PUM2: variants seen among roughly 807,000 people sequenced by gnomAD.
PUM2 encodes the protein pumilio RNA binding family member 2.
PUM2 carries 57 observed loss-of-function variants against 124.5 expected under a neutral mutation model. That is an observed-to-expected ratio of 0.46 (90% CI 0.37 to 0.57). PUM2 has a LOEUF of 0.57. Among genes scored for constraint, PUM2 ranks in the 20% least tolerant of loss-of-function variants. The pLI, the probability that PUM2 is intolerant of heterozygous loss-of-function variation, is 0.00. For missense variants in PUM2, 1,065 were observed against 1,290.6 expected, an observed-to-expected ratio of 0.83 and a Z score of 2.68; for synonymous variants, 460 against 446.1, an observed-to-expected ratio of 1.03 and a Z score of -0.39.
intron 7 of PUM2, among the ~76,000 whole-genome samples, chr2:20,306,163 C>G (rs978385319): frequency 1.3e-5 from 2 of 152,116 alleles, no homozygotes; most frequent in African/African-American, 2.4e-5. Flanking sequence ...CAAGACTGCA[C>G]CACTGCACTC....
chr2:20,271,666 A>T (rs1669041781), intron 13 of PUM2, among the ~76,000 whole-genome samples: 1 of 152,234 alleles, frequency 6.6e-6, no homozygotes, highest in African/African-American at 2.4e-5. Flanking sequence ...TAAAGTAAAT[A>T]GCATTTAATT....
At chr2:20,327,278 G>C (rs776471396) in intron 2 of PUM2, 32 bp downstream of exon 2, 10 of 1,392,754 alleles carry the variant, frequency 7.2e-6, no homozygotes, top group Non-Finnish European at 1.0e-5. Flanking sequence ...AATAAAGTGA[G>C]GTGTAAGTTC....
Position 20,257,633 on chromosome 2 carries a change from C to T in PUM2, c.2484+610G>A, listed in dbSNP as rs554183513. On this transcript the variant is annotated intron_variant, in intron 16 of 20. Transcript: ENST00000361078. ...GGTGGATCAGCATTTATCTTCATCCCCTACTCTCAATATTCTTGTCTATTT... is the reference window on the plus strand; with the variant it reads ...GGTGGATCAGCATTTATCTTCATCCTCTACTCTCAATATTCTTGTCTATTT... Among the ~76,000 whole-genome samples, 20 of 152,196 alleles carry T rather than the reference C, an allele frequency of 1.3e-4. No homozygotes were observed. The South Asian group carries it at 3.9e-3, about 30-fold the overall frequency.
intron 5 of PUM2, among the ~76,000 whole-genome samples, chr2:20,309,363 G>T (rs1404533069): frequency 6.8e-6 from 1 of 147,734 alleles, no homozygotes; most frequent in Non-Finnish European, 1.5e-5. Flanking sequence ...CCATCAGAAA[G>T]AAATCGAAAT....
upstream of PUM2, among the ~76,000 whole-genome samples, chr2:20,351,120 G>GCTGT (rs1285212854): frequency 6.6e-6 from 1 of 152,196 alleles, no homozygotes; most frequent in African/African-American, 2.4e-5. Context: ...GTTGCCAAAC[G>GCTGT]CTGTGTTCGA....
At chr2:20,350,931 T>A, upstream of PUM2, 1 of 298,352 alleles carries the variant, frequency 3.4e-6, no homozygotes, top group Non-Finnish European at 5.0e-6. Flanking sequence ...TTTAATGCCT[T>A]GCGTCCCTGC....
chr2:20,329,473 G>C (rs1248074596), intron 1 of PUM2, among the ~76,000 whole-genome samples: 1 of 151,136 alleles, frequency 6.6e-6, no homozygotes, highest in Non-Finnish European at 1.5e-5. Flanking sequence ...GAAAAAGAAA[G>C]GAAAATAATG....
intron 1 of PUM2, among the ~76,000 whole-genome samples, chr2:20,328,073 G>A (rs1379963748): frequency 1.3e-5 from 2 of 152,152 alleles, no homozygotes; most frequent in Non-Finnish European, 2.9e-5. Flanking sequence ...GGTGGCTCAC[G>A]ACTATAATCT....
intron 7 of PUM2, among the ~76,000 whole-genome samples, chr2:20,300,043 T>C (rs932231373): frequency 1.3e-5 from 2 of 152,222 alleles, no homozygotes; most frequent in African/African-American, 2.4e-5. Flanking sequence ...GAATAGACTC[T>C]GTTCCTTAAC....
At chr2:20,252,804 GTAT>G (rs1429228039) in intron 20 of PUM2, among the ~76,000 whole-genome samples, 2 of 152,186 alleles carry the variant, frequency 1.3e-5, no homozygotes, top group African/African-American at 4.8e-5. Flanking sequence ...TTCAACCCAT[GTAT>G]TATGGTAAAT....
At chr2:20,324,166 T>C (rs932956605) in intron 2 of PUM2, among the ~76,000 whole-genome samples, 1 of 152,118 alleles carries the variant, frequency 6.6e-6, no homozygotes, top group African/African-American at 2.4e-5. Context: ...TACATGTGAT[T>C]CATACAAAAG....
chr2:20,278,416 T>C (rs547120846), intron 13 of PUM2, among the ~76,000 whole-genome samples, 167 bp downstream of exon 13: 79 of 152,220 alleles, frequency 5.2e-4, no homozygotes, highest in African/African-American at 1.9e-3. Context: ...GACCCTCACT[T>C]TGAATTTTCA....
chr2:20,348,085 G>A (rs1206066271), intron 1 of PUM2, among the ~76,000 whole-genome samples: 1 of 151,992 alleles, frequency 6.6e-6, no homozygotes, highest in Non-Finnish European at 1.5e-5. Context: ...CATTTTGGGA[G>A]GCCAAGGCGG....
At chr2:20,285,442 T>C (rs770827995) in intron 10 of PUM2, among the ~76,000 whole-genome samples, 3 of 152,172 alleles carry the variant, frequency 2.0e-5, no homozygotes, top group Non-Finnish European at 4.4e-5. Flanking sequence ...CATGATCTGG[T>C]TGGTTCCTGG....
At chr2:20,280,856 A>G (rs1325099309) in intron 12 of PUM2, among the ~76,000 whole-genome samples, 1 of 152,196 alleles carries the variant, frequency 6.6e-6, no homozygotes, top group African/African-American at 2.4e-5. Context: ...ACTTTAAAAA[A>G]TAACAGGTCA....
chr2:20,256,026 A>G lies in PUM2; in HGVS notation c.2622+7T>C, dbSNP rs370936605. 2.1e-5 allele frequency: 32 copies of G among 1,524,952 alleles called. No homozygotes were observed. Among genetic ancestry groups the G allele is most frequent in the Non-Finnish European group, 2.6e-5 (30 of 1,142,684 alleles). The allele number at this position is 1,524,952 out of a possible 1,614,324, so 94.5% of individuals were successfully genotyped here. On this transcript the variant is annotated splice_region_variant and intron_variant, in intron 17 of 20. Transcript: ENST00000361078. ...CTAACAAATTATAAGCCAAAACTCA[A>G]ACATACTTGTCCCTTGAAAGCATCA... is the stretch of plus-strand genomic sequence containing the variant.
chr2:20,344,279 G>A (rs1194980893), intron 1 of PUM2, among the ~76,000 whole-genome samples: 1 of 152,088 alleles, frequency 6.6e-6, no homozygotes, highest in Non-Finnish European at 1.5e-5. Flanking sequence ...CGTTGCCCAG[G>A]CTGGTCTCAA....
rs1681596034 is a variant in PUM2 at position 20,318,751 on chromosome 2, T to C, written c.52-106A>G. ...CTATGTATACATTAGTTTTCAATGC[T>C]AATGAAAATTCAGAGTGACCTATTT... On this transcript the variant is annotated intron_variant, in intron 2 of 20. Coordinates refer to ENST00000361078, the MANE Select transcript of PUM2 (RefSeq NM_015317.5). 4 of 680,266 alleles carry C rather than the reference T, an allele frequency of 5.9e-6. No homozygotes were observed. The South Asian group carries it at 1.1e-4, about 18-fold the overall frequency. The allele number at this position is 680,266 out of a possible 1,614,324, so 42.1% of individuals were successfully genotyped here. A position where few individuals can be genotyped will look rare whatever the true frequency, so the allele number is the denominator to read the frequency against.
At chr2:20,340,207 A>G (rs1239394085) in intron 1 of PUM2, among the ~76,000 whole-genome samples, 1 of 152,254 alleles carries the variant, frequency 6.6e-6, no homozygotes, top group Non-Finnish European at 1.5e-5. Flanking sequence ...ACTACTGTTG[A>G]TATGAATACA....
Sources: allele counts gnomAD v4.1 joint callset (sites outside exome capture counted in the v4.1 genomes callset), GRCh38; gene constraint gnomAD v4.1.1; transcripts MANE v1.5; gene names NCBI Gene and HGNC (gene_info 2026-07-23, HGNC 2026-07-21).